Variants in SGCG observed in about 807,000 individuals in gnomAD.
The protein encoded by SGCG is sarcoglycan gamma.
SGCG carries 26 observed loss-of-function variants against 29.3 expected under a neutral mutation model. That is an observed-to-expected ratio of 0.89 (90% CI 0.65 to 1.23). The LOEUF (loss-of-function observed/expected upper bound fraction) is 1.23. Among genes scored for constraint, SGCG ranks in the 50% most tolerant of loss-of-function variants. The pLI, the probability that SGCG is intolerant of heterozygous loss-of-function variation, is 0.00. For missense variants in SGCG, 353 were observed against 356.0 expected (o/e 0.99, Z 0.07); for synonymous variants, 145 against 129.7 (o/e 1.12, Z -0.80).
At chr13:23,254,153 G>C (rs1031338954) in intron 4 of SGCG, among the ~76,000 whole-genome samples, 4 of 152,212 alleles carry the variant, frequency 2.6e-5, no homozygotes, top group Admixed American at 2.0e-4. Context: ...GTAACAGGCA[G>C]AAGTTAGAAG....
chr13:23,197,948 A>T (rs757000872), intron 1 of SGCG, among the ~76,000 whole-genome samples: 1 of 146,720 alleles, frequency 6.8e-6, no homozygotes, highest in South Asian at 2.1e-4. Flanking sequence ...AAAAGTCCCA[A>T]TGGAAAAAAA....
chr13:23,264,860 A>C (rs551666630), intron 4 of SGCG, among the ~76,000 whole-genome samples: 1 of 152,322 alleles, frequency 6.6e-6, no homozygotes, highest in South Asian at 2.1e-4. Flanking sequence ...GTGCTGGGAA[A>C]ATTGGATTGC....
Position 23,324,539 on chromosome 13 carries a change from T to C in SGCG, c.874T>C (p.Ter292ArgextTer57), listed in dbSNP as rs1345589828. Residue 292 changes from the stop codon to arginine (R), a stop_lost, in exon 8 of 8, where the codon TGA (stop) becomes CGA (arginine). Transcript: ENST00000218867. ...CCAGGAGCACAACCACATCTGCCTC[T>C]GAGCTGCCTGCGTCCTCTCGGTGAG... ...TCQEHNHICL[*>R] 1.2e-6 allele frequency: 2 copies of C among 1,610,182 alleles called. No individual in the cohort carries two copies. Among genetic ancestry groups the C allele is most frequent in the South Asian group, 2.2e-5 (2 of 90,984 alleles).
chr13:23,215,119 C>T (rs1878377781), intron 2 of SGCG, among the ~76,000 whole-genome samples: 1 of 152,152 alleles, frequency 6.6e-6, no homozygotes, highest in African/African-American at 2.4e-5. Flanking sequence ...AAGAAGGCAA[C>T]AGCACACTTG....
At chr13:23,322,252 G>A (rs562322842) in intron 7 of SGCG, among the ~76,000 whole-genome samples, 71 of 152,248 alleles carry the variant, frequency 4.7e-4, no homozygotes, top group Admixed American at 1.0e-3. Context: ...ATGGCACCAC[G>A]TCCAAAAGGC....
At chr13:23,168,107 T>C in the SGCG span, among the ~76,000 whole-genome samples, 1 of 152,250 alleles carries the variant, frequency 6.6e-6, no homozygotes, top group Non-Finnish European at 1.5e-5. Context: ...CTAGATATTC[T>C]GGTTATTAAT....
chr13:23,195,138 A>G (rs1324726192), intron 1 of SGCG, among the ~76,000 whole-genome samples: 7 of 152,230 alleles, frequency 4.6e-5, no homozygotes, highest in Admixed American at 4.6e-4. Flanking sequence ...GAGGCTAGGT[A>G]TCCATAAATG....
chr13:23,259,103 G>GT (rs1880320631), intron 4 of SGCG, among the ~76,000 whole-genome samples: 3 of 152,294 alleles, frequency 2.0e-5, no homozygotes, highest in Admixed American at 2.0e-4. Flanking sequence ...GATTGGAATA[G>GT]TTTCAGAAGG....
chr13:23,166,104 C>T, the SGCG span, among the ~76,000 whole-genome samples: 28 of 152,146 alleles, frequency 1.8e-4, no homozygotes, highest in Non-Finnish European at 3.7e-4. Context: ...AGGGAACTTC[C>T]TTGCCTTGTC....
chr13:23,270,151 G>A (rs989087552), intron 4 of SGCG, among the ~76,000 whole-genome samples: 2 of 152,196 alleles, frequency 1.3e-5, no homozygotes, highest in African/African-American at 4.8e-5. Flanking sequence ...TGGGATTACA[G>A]GCGTGAGCCA....
intron 4 of SGCG, among the ~76,000 whole-genome samples, chr13:23,267,320 A>G (rs775512205): frequency 6.6e-6 from 1 of 152,210 alleles, no homozygotes; most frequent in Non-Finnish European, 1.5e-5. Context: ...AGGAGTGTCT[A>G]CAGGAGCATG....
At chr13:23,251,072 C>T (rs530431871) in intron 4 of SGCG, among the ~76,000 whole-genome samples, 10 of 152,312 alleles carry the variant, frequency 6.6e-5, no homozygotes, top group African/African-American at 1.7e-4. Context: ...CTGAGAGCCA[C>T]GAATACATTC....
At chr13:23,241,496 A>G in intron 3 of SGCG, among the ~76,000 whole-genome samples, 1 of 152,204 alleles carries the variant, frequency 6.6e-6, no homozygotes, top group African/African-American at 2.4e-5. Flanking sequence ...CCAATAAAGG[A>G]AAGTCCAGGA....
chr13:23,174,319 T>C, the SGCG span, among the ~76,000 whole-genome samples: 2 of 152,106 alleles, frequency 1.3e-5, no homozygotes, highest in African/African-American at 4.8e-5. Context: ...TGTACAATGG[T>C]CATGATTACT....
chr13:23,269,839 T>G (rs544029855), intron 4 of SGCG, among the ~76,000 whole-genome samples: 6 of 92,550 alleles, frequency 6.5e-5, no homozygotes, highest in Non-Finnish European at 1.1e-4. Context: ...ATGTATTTTG[T>G]TTTTTTTTTT....
At chr13:23,250,833 T>A (rs1879936378) in intron 4 of SGCG, 116 bp downstream of exon 4, 1 of 743,940 alleles carries the variant, frequency 1.3e-6, no homozygotes, top group Non-Finnish European at 2.4e-6. Context: ...AAATATGAAT[T>A]TTCTAAATAT....
intron 1 of SGCG, among the ~76,000 whole-genome samples, chr13:23,195,723 T>C (rs1877474260): frequency 6.6e-6 from 1 of 152,042 alleles, no homozygotes; most frequent in African/African-American, 2.4e-5. Flanking sequence ...TCGAGAATTA[T>C]GCTGATTATA....
Position 23,279,474 on chromosome 13 carries a change from A to G in SGCG, c.501A>G (p.Val167=). The G allele has an allele frequency of 6.2e-7, 1 of 1,612,930 alleles. No individual in the cohort carries two copies. Among genetic ancestry groups the G allele is most frequent in the South Asian group, 1.1e-5 (1 of 90,982 alleles). ...TGGTTGGTACAGATAAACTTCGAGT[A>G]ACTGGTATGTACTAACTCGAGAAAA... ...EVVVGTDKLR[V]TGPEGALFEH... is the part of the protein sequence containing the mutation. The change falls in exon 5 of 8, where the codon GTA becomes GTG. Residue 167 remains valine (V), a synonymous_variant. Coordinates refer to ENST00000218867, the MANE Select transcript of SGCG (RefSeq NM_000231.3).
chr13:23,196,446 A>G (rs747301266), intron 1 of SGCG, among the ~76,000 whole-genome samples: 6 of 152,138 alleles, frequency 3.9e-5, no homozygotes, highest in Admixed American at 1.3e-4. Flanking sequence ...CACCTGGCCA[A>G]TATTATCTAT....
Sources: allele counts gnomAD v4.1 joint callset (sites outside exome capture counted in the v4.1 genomes callset), GRCh38; gene constraint gnomAD v4.1.1; transcripts MANE v1.5; gene names NCBI Gene and HGNC (gene_info 2026-07-23, HGNC 2026-07-21).